The following GALNTL6 variants were observed in gnomAD, a reference collection of about 807,000 sequenced individuals.
GALNTL6 encodes the protein polypeptide N-acetylgalactosaminyltransferase like 6.
In GALNTL6, 46 loss-of-function variants were observed where a neutral mutation model predicts 73.7. The observed-to-expected ratio is 0.62, with a 90% CI of 0.49 to 0.80. The LOEUF (loss-of-function observed/expected upper bound fraction) is 0.80, where lower values mean the gene tolerates loss of function less well. Ranked by LOEUF, GALNTL6 falls within the 30% of genes least tolerant of loss-of-function variation. The pLI, the probability that GALNTL6 is intolerant of heterozygous loss-of-function variation, is 0.00. For missense variants in GALNTL6, 604 were observed against 755.0 expected, an observed-to-expected ratio of 0.80 and a Z score of 2.34; for synonymous variants, 259 against 263.7, an observed-to-expected ratio of 0.98 and a Z score of 0.17.
chr4:172,424,487 G>A (rs1731158715), intron 5 of GALNTL6, among the ~76,000 whole-genome samples: 1 of 152,176 alleles, frequency 6.6e-6, no homozygotes, highest in Admixed American at 6.6e-5. Flanking sequence ...GTGACGGTGA[G>A]CTAACTATTA....
intron 2 of GALNTL6, among the ~76,000 whole-genome samples, chr4:171,908,521 T>C (rs1295180963): frequency 1.3e-5 from 2 of 151,914 alleles, no homozygotes; most frequent in Non-Finnish European, 2.9e-5. Flanking sequence ...TGTGGAGAAA[T>C]AGGAACACTT....
At chr4:172,664,742 C>A (rs1731569384) in intron 5 of GALNTL6, among the ~76,000 whole-genome samples, 1 of 152,156 alleles carries the variant, frequency 6.6e-6, no homozygotes, top group Non-Finnish European at 1.5e-5. Context: ...CTCTTTCTTC[C>A]TACATACAAA....
At chr4:172,854,384 T>G (rs1033760148) in intron 7 of GALNTL6, among the ~76,000 whole-genome samples, 6 of 152,334 alleles carry the variant, frequency 3.9e-5, no homozygotes, top group African/African-American at 1.4e-4. Context: ...ATAGTTTGAA[T>G]TCAAAAAAAT....
chr4:172,197,850 C>T (rs2110893989), intron 2 of GALNTL6, among the ~76,000 whole-genome samples: 1 of 152,230 alleles, frequency 6.6e-6, no homozygotes, highest in East Asian at 1.9e-4. Flanking sequence ...TGGCTCACAC[C>T]TGTAATCCCA....
chr4:171,973,323 G>A (rs1381827765), intron 2 of GALNTL6, among the ~76,000 whole-genome samples: 1 of 152,182 alleles, frequency 6.6e-6, no homozygotes, highest in East Asian at 1.9e-4. Flanking sequence ...CAAAACAATA[G>A]AAATGTATTT....
intron 5 of GALNTL6, among the ~76,000 whole-genome samples, chr4:172,785,139 A>T (rs565660380): frequency 4.7e-4 from 71 of 152,318 alleles, no homozygotes; most frequent in Non-Finnish European, 1.0e-4. Context: ...ACTATATGAA[A>T]GACAGAAATT....
At chr4:172,432,302 G>A (rs772499063) in intron 5 of GALNTL6, among the ~76,000 whole-genome samples, 2 of 151,628 alleles carry the variant, frequency 1.3e-5, no homozygotes, top group African/African-American at 2.4e-5. Context: ...ATTGAATTAA[G>A]AGTTAGAAGA....
chr4:172,606,555 A>ATATATATATACATATACATAGTATATG (rs1738277889), intron 5 of GALNTL6, among the ~76,000 whole-genome samples: 3 of 130,786 alleles, frequency 2.3e-5, no homozygotes, highest in African/African-American at 8.0e-5. Context: ...AAGTGTATAT[A>ATATATATATACATATACATAGTATATG]TATATATATA....
intron 10 of GALNTL6, among the ~76,000 whole-genome samples, chr4:172,954,107 G>A (rs1419905765): frequency 6.6e-6 from 1 of 152,086 alleles, no homozygotes; most frequent in East Asian, 1.9e-4. Flanking sequence ...TTCACTACAG[G>A]GCTAAAATCT....
chr4:173,020,657 G>A (rs1488608863), intron 11 of GALNTL6, among the ~76,000 whole-genome samples: 1 of 152,148 alleles, frequency 6.6e-6, no homozygotes, highest in Non-Finnish European at 1.5e-5. Context: ...GTTTTTCAAG[G>A]TGCTAGCATC....
chr4:171,910,652 T>C (rs1368255884), intron 2 of GALNTL6, among the ~76,000 whole-genome samples: 3 of 152,148 alleles, frequency 2.0e-5, no homozygotes, highest in Non-Finnish European at 2.9e-5. Context: ...CGCCATTTTA[T>C]AGATTTTGAA....
intron 5 of GALNTL6, among the ~76,000 whole-genome samples, chr4:172,619,100 G>T (rs1738856232): frequency 6.6e-6 from 1 of 152,228 alleles, no homozygotes; most frequent in East Asian, 1.9e-4. Context: ...AAGCAAGCCT[G>T]GGAGAAGAGT....
At chr4:172,122,132 G>C (rs1040645708) in intron 2 of GALNTL6, among the ~76,000 whole-genome samples, 4 of 150,902 alleles carry the variant, frequency 2.7e-5, no homozygotes, top group Non-Finnish European at 4.4e-5. Flanking sequence ...CCATGACTAG[G>C]CTGAATTCGA....
At chr4:172,991,587 T>C (rs80061553) in intron 10 of GALNTL6, among the ~76,000 whole-genome samples, 3 of 151,972 alleles carry the variant, frequency 2.0e-5, no homozygotes, top group Non-Finnish European at 2.9e-5. Context: ...GTTTTTTTTT[T>C]AGTAGAGACG....
At chr4:172,839,576 G>T (rs1309223846) in intron 7 of GALNTL6, among the ~76,000 whole-genome samples, 3 of 152,174 alleles carry the variant, frequency 2.0e-5, no homozygotes, top group Non-Finnish European at 4.4e-5. Flanking sequence ...CTGAAAATCT[G>T]CTTGAGTCCA....
intron 5 of GALNTL6, among the ~76,000 whole-genome samples, chr4:172,605,942 C>T (rs1242018297): frequency 6.6e-6 from 1 of 152,094 alleles, no homozygotes; most frequent in African/African-American, 2.4e-5. Context: ...GCTGAAGAGG[C>T]CAGGCTCCTC....
intron 9 of GALNTL6, among the ~76,000 whole-genome samples, chr4:172,935,700 T>C (rs755485736): frequency 6.6e-6 from 1 of 152,178 alleles, no homozygotes; most frequent in South Asian, 2.1e-4. Flanking sequence ...GATAAATTCC[T>C]GGACACATAT....
chr4:171,946,688 G>A (rs1738711495), intron 2 of GALNTL6, among the ~76,000 whole-genome samples: 1 of 152,188 alleles, frequency 6.6e-6, no homozygotes, highest in South Asian at 2.1e-4. Flanking sequence ...GGATAAGCTA[G>A]TCAGAGGCGG....
intron 5 of GALNTL6, among the ~76,000 whole-genome samples, chr4:172,613,598 A>G (rs952762477): frequency 1.5e-5 from 2 of 133,024 alleles, no homozygotes; most frequent in African/African-American, 6.0e-5. Context: ...TATTTAAAAA[A>G]GGAAAAACCT....
Sources: allele counts gnomAD v4.1 joint callset (sites outside exome capture counted in the v4.1 genomes callset), GRCh38; gene constraint gnomAD v4.1.1; transcripts MANE v1.5; gene names NCBI Gene and HGNC (gene_info 2026-07-23, HGNC 2026-07-21).